Variants in EIF3G observed in about 807,000 individuals in gnomAD.
EIF3G encodes the protein eukaryotic translation initiation factor 3 subunit G, also known as eukaryotic translation initiation factor 3 RNA-binding subunit.
EIF3G carries 10 observed loss-of-function variants against 41.7 expected under a neutral mutation model. That is an observed-to-expected ratio of 0.24 (90% CI 0.15 to 0.41). The LOEUF is 0.41. EIF3G is among the 10% of genes least tolerant of loss of function. The pLI, the probability that EIF3G is intolerant of heterozygous loss-of-function variation, is 1.00. For synonymous variants in EIF3G, 204 were observed against 172.5 expected (o/e 1.18, Z -1.43); for missense variants, 297 against 444.0 (o/e 0.67, Z 2.98).
At chr19:10,119,795 C>G (rs1181967214) in intron 1 of EIF3G, 45 bp downstream of exon 1, 1 of 1,614,234 alleles carries the variant, frequency 6.2e-7, no homozygotes, top group Non-Finnish European at 8.5e-7. Context: ...CTTCCCAGAG[C>G]ACCCCAACCG....
chr19:10,116,986 G>A lies in EIF3G; in HGVS notation c.409C>T (p.Leu137=), dbSNP rs768886941. The change falls in exon 7 of 11, where the codon CTG becomes TTG. Residue 137 remains leucine (L), a synonymous_variant. Transcript: ENST00000253108. The surrounding 1 kb of genome is among the most constrained non-coding windows in gnomAD (Gnocchi z 4.1). ...GGGTCCTCCTCCTCCTGGCAGTTCA[G>A]GTCCTGGCAGGGGCGGGTTGGGGGG... ...SMTFITSKED[L]NCQEEEDPMN... 6.2e-7 allele frequency: 1 copy of A among 1,609,504 alleles called. No homozygotes were observed. Among genetic ancestry groups the A allele is most frequent in the Non-Finnish European group, 8.5e-7 (1 of 1,176,868 alleles).
At position 10,117,857 on chromosome 19, in the gene EIF3G, C is replaced by G. The variant is rs548798227; in HGVS notation, c.301-669G>C. Among the ~76,000 whole-genome samples, 6 of 152,088 alleles carry G rather than the reference C, an allele frequency of 3.9e-5. No homozygotes were observed. In the South Asian group the frequency reaches 1.0e-3, roughly 26 times the overall value. ...ATCTCTCAAGCCCAGGAGCTGGAGA[C>G]CAGCCTGGGCAACATAGTGAAACCC... On this transcript the variant is annotated intron_variant, in intron 5 of 10. Transcript: ENST00000253108.
rs377318103 is a variant in EIF3G at position 10,117,114 on chromosome 19, A to G, written c.375T>C (p.Asp125=). The change falls in exon 6 of 11, where the codon GAT becomes GAC. Residue 125 remains aspartate (D), a synonymous_variant. Transcript: ENST00000253108. ...PNVATTTVSD[D]VSMTFITSKE... ...TGCTGGTGATGAACGTCATAGAGAC[A>G]TCGTCACTGACAGTGGTGGTGGCCA... is the stretch of plus-strand genomic sequence containing the variant. 14 of 1,613,512 alleles carry G rather than the reference A, an allele frequency of 8.7e-6. No homozygotes were observed. The East Asian group carries it at 1.6e-4, about 18-fold the overall frequency.
intron 10 of EIF3G, 51 bp downstream of exon 10, chr19:10,115,428 G>A (rs2089225242): frequency 6.4e-7 from 1 of 1,551,300 alleles, no homozygotes; most frequent in Non-Finnish European, 8.8e-7. Flanking sequence ...ACTCCGTGAA[G>A]GTGCTGGGAC....
intron 1 of EIF3G, 49 bp from the exon 2 acceptor site, chr19:10,119,749 G>A: frequency 6.2e-7 from 1 of 1,612,978 alleles, no homozygotes; most frequent in Non-Finnish European, 8.5e-7. Context: ...GCCAGGCCCG[G>A]CTCCCGCAGC....
intron 10 of EIF3G, 133 bp from the exon 11 acceptor site, chr19:10,115,262 G>A (rs1197046230): frequency 1.6e-6 from 2 of 1,264,186 alleles, no homozygotes; most frequent in Non-Finnish European, 2.2e-6. Flanking sequence ...GGAGCCAGAT[G>A]GCCAGTCTCC....
At chr19:10,118,786 C>A in intron 4 of EIF3G, 59 bp from the exon 5 acceptor site, 1 of 1,610,054 alleles carries the variant, frequency 6.2e-7, no homozygotes, top group Admixed American at 1.7e-5. Context: ...CCTTTATCAA[C>A]CTCCTCAACA....
intron 2 of EIF3G, chr19:10,119,438 C>A: frequency 2.6e-6 from 2 of 765,054 alleles, no homozygotes; most frequent in Non-Finnish European, 4.5e-6. Flanking sequence ...ACAACTTCCT[C>A]CCTGGAGGGG....
Position 10,118,952 on chromosome 19 carries a change from T to C in EIF3G, c.156A>G (p.Pro52=). The stretch of plus-strand genomic sequence containing the variant: ...TGATGACCTCCTTGGGAGGCGGCAG[T>C]GGAGCTGGCAGAAGGGGAAAAACAG... ...SPEPELLPGA[P]LPPPKEVING... The change falls in exon 4 of 11, where the codon CCA becomes CCG. Residue 52 remains proline (P), a synonymous_variant. Transcript: ENST00000253108. 6.2e-7 allele frequency: 1 copy of C among 1,614,006 alleles called. No homozygotes were observed. Among genetic ancestry groups the C allele is most frequent in the Non-Finnish European group, 8.5e-7 (1 of 1,180,010 alleles).
chr19:10,116,037 C>T lies in EIF3G; in HGVS notation c.633G>A (p.Gly211=), dbSNP rs763211394. 1 of 1,613,982 alleles carries T rather than the reference C, an allele frequency of 6.2e-7. No homozygotes were observed. Among genetic ancestry groups the T allele is most frequent in the Non-Finnish European group, 8.5e-7 (1 of 1,179,932 alleles). ...CGCGCAGGCTCGGCGGCACATACTT[C>T]CCTGTCTTGTTCTGCGTGGCCTGCA... ...EPVQATQNKT[G]KYVPPSLRDG... The change falls in exon 8 of 11, where the codon GGG becomes GGA. Residue 211 remains glycine (G), a synonymous_variant. Coordinates refer to ENST00000253108, the MANE Select transcript of EIF3G (RefSeq NM_003755.5). The surrounding 1 kb of genome is among the most constrained non-coding windows in gnomAD (Gnocchi z 4.1).
In EIF3G at chr19:10,115,096, T is replaced by C. The variant is rs779369377; in HGVS notation, c.*18A>G. 6.2e-7 allele frequency: 1 copy of C among 1,613,792 alleles called. No homozygotes were observed. Among genetic ancestry groups the C allele is most frequent in the Non-Finnish European group, 8.5e-7 (1 of 1,179,956 alleles). ...CTGTCGCCAAGGGTCCCGGACCGAGTACACAGTGGCAGCTGGCTTAGTTGG... is the reference window on the plus strand; with the variant it reads ...CTGTCGCCAAGGGTCCCGGACCGAGCACACAGTGGCAGCTGGCTTAGTTGG... On this transcript the variant is annotated 3_prime_UTR_variant, in exon 11 of 11. Coordinates refer to ENST00000253108, the MANE Select transcript of EIF3G (RefSeq NM_003755.5).
At chr19:10,115,191 C>G (rs1376151099) in intron 10 of EIF3G, 62 bp from the exon 11 acceptor site, 1 of 1,596,542 alleles carries the variant, frequency 6.3e-7, no homozygotes, top group East Asian at 2.2e-5. Context: ...CCCAGACACC[C>G]AAGTGGCATC....
chr19:10,118,508 TGAGTC>T, intron 5 of EIF3G, 155 bp downstream of exon 5: 1 of 735,898 alleles, frequency 1.4e-6, no homozygotes, highest in Non-Finnish European at 2.2e-6. Context: ...GAGGTTGCAG[TGAGTC>T]GAGATCGTGC....
intron 10 of EIF3G, 72 bp downstream of exon 10, chr19:10,115,407 G>T: frequency 1.3e-6 from 2 of 1,492,564 alleles, no homozygotes; most frequent in Non-Finnish European, 1.8e-6. Flanking sequence ...AGGGCTATTG[G>T]TTGGCCCAAC....
In EIF3G at chr19:10,117,014, C is replaced by G. The variant is rs376735435; in HGVS notation, c.406-25G>C. ...CCTGGCAGGGGCGGGTTGGGGGGAG[C>G]TCAGAGGCGGCTAAGGCACCCCCTT... On this transcript the variant is annotated intron_variant, in intron 6 of 10. Transcript: ENST00000253108. The G allele has an allele frequency of 4.8e-5, 77 of 1,603,668 alleles. No individual in the cohort carries two copies. The African/African-American group carries it at 9.6e-4, about 20-fold the overall frequency.
In EIF3G at chr19:10,117,202, G is replaced by A. The variant is rs775144221; in HGVS notation, c.301-14C>T. 1.3e-6 allele frequency: 2 copies of A among 1,594,190 alleles called. No homozygotes were observed. Among genetic ancestry groups the A allele is most frequent in the South Asian group, 1.1e-5 (1 of 88,542 alleles). The stretch of plus-strand genomic sequence containing the variant: ...CTTCTTCCAGTTCTGGGCTCAGGGA[G>A]GGATGGGGGACAGTTGAGGGCAGGG... On this transcript the variant is annotated splice_polypyrimidine_tract_variant and intron_variant, in intron 5 of 10. Coordinates refer to ENST00000253108, the MANE Select transcript of EIF3G (RefSeq NM_003755.5).
Position 10,119,189 on chromosome 19 carries a change from G to A in EIF3G, c.68-18C>T, listed in dbSNP as rs1482766955. Reference sequence around the variant, plus strand: ...ACATTTGTCTGCAAAAGGCAGCGTAGGAAGGAGGAGTCAGCTCCAGGGGCA... The same window carrying A: ...ACATTTGTCTGCAAAAGGCAGCGTAAGAAGGAGGAGTCAGCTCCAGGGGCA... On this transcript the variant is annotated intron_variant, in intron 2 of 10. Transcript: ENST00000253108. The A allele has an allele frequency of 6.4e-7, 1 of 1,562,626 alleles. No homozygotes were observed. The highest frequency in any genetic ancestry group is 8.7e-7 in the Non-Finnish European group (1 of 1,152,414).
At chr19:10,118,540 G>T (rs1458375447) in intron 5 of EIF3G, 128 bp downstream of exon 5, 1 of 1,060,586 alleles carries the variant, frequency 9.4e-7, no homozygotes, top group Non-Finnish European at 1.4e-6. Flanking sequence ...ACTTCAGCCT[G>T]GGGGACAGAG....
intron 5 of EIF3G, among the ~76,000 whole-genome samples, chr19:10,117,846 G>A (rs2089272780): frequency 6.6e-6 from 1 of 152,112 alleles, no homozygotes; most frequent in African/African-American, 2.4e-5. Flanking sequence ...CTCAAGCCCA[G>A]GAGCTGGAGA....
Sources: gnomAD v4.1 joint callset for allele counts (sites outside exome capture counted in the v4.1 genomes callset) on GRCh38, gnomAD v4.1.1 for gene constraint, Gnocchi (gnomAD v3.1) non-coding constraint, MANE v1.5 for transcripts, NCBI Gene and HGNC (gene_info 2026-07-23, HGNC 2026-07-21) for gene names.